The following PDE7B variants were observed in gnomAD, a reference collection of about 807,000 sequenced individuals.
PDE7B encodes the protein 3',5'-cyclic-AMP phosphodiesterase 7B.
A neutral mutation model predicts 56.2 loss-of-function variants in PDE7B; 29 were observed. That is an observed-to-expected ratio of 0.52 (90% CI 0.38 to 0.70). PDE7B has a LOEUF of 0.70. Among genes scored for constraint, PDE7B ranks in the 30% least tolerant of loss-of-function variants. The pLI is 0.00. For missense variants in PDE7B, 490 were observed against 565.0 expected (o/e 0.87, Z 1.35); for synonymous variants, 197 against 196.9 (o/e 1.00, Z 0.00).
chr6:135,910,326 G>T (rs555372424), intron 1 of PDE7B, among the ~76,000 whole-genome samples: 1 of 152,316 alleles, frequency 6.6e-6, no homozygotes, highest in South Asian at 2.1e-4. Context: ...CTAGAAGCCA[G>T]TATCACAGTC....
At position 135,989,405 on chromosome 6, in the gene PDE7B, G is replaced by A. The variant is rs545268554; in HGVS notation, c.82+41881G>A. 1.4e-3 allele frequency among the ~76,000 whole-genome samples: 217 copies of A among 152,296 alleles called. 1 individual carries two copies. Among genetic ancestry groups the A allele is most frequent in the African/African-American group, 5.1e-3 (210 of 41,574 alleles). On this transcript the variant is annotated intron_variant, in intron 2 of 12. Coordinates refer to ENST00000308191, the MANE Select transcript of PDE7B (RefSeq NM_018945.4). The stretch of plus-strand genomic sequence containing the variant: ...AAGGCAGGTGGATCACCTGAGGTCG[G>A]TAGTTCGAGACCAGCCAGACCAACA...
intron 6 of PDE7B, among the ~76,000 whole-genome samples, chr6:136,152,107 A>G (rs906815631): frequency 1.3e-5 from 2 of 152,192 alleles, no homozygotes; most frequent in African/African-American, 4.8e-5. Flanking sequence ...CAGGGTGGCC[A>G]AGGCAGAAAG....
intron 2 of PDE7B, among the ~76,000 whole-genome samples, chr6:136,055,512 AT>A (rs748391888): frequency 2.5e-4 from 38 of 152,222 alleles, no homozygotes; most frequent in Admixed American, 4.6e-4. Flanking sequence ...ATCTGAATAC[AT>A]TTTTCATTTT....
intron 2 of PDE7B, among the ~76,000 whole-genome samples, chr6:135,979,263 G>T (rs1196309604): frequency 1.3e-5 from 2 of 151,682 alleles, no homozygotes; most frequent in African/African-American, 4.9e-5. Flanking sequence ...TTGATGTGCT[G>T]CTGGATTCGG....
intron 1 of PDE7B, among the ~76,000 whole-genome samples, chr6:135,902,379 C>G (rs969733723): frequency 2.7e-5 from 4 of 150,440 alleles, no homozygotes; most frequent in East Asian, 3.9e-4. Context: ...AATGATTGCT[C>G]TCAACTCAAA....
intron 1 of PDE7B, among the ~76,000 whole-genome samples, chr6:135,904,247 T>G (rs1430019326): frequency 6.6e-6 from 1 of 152,224 alleles, no homozygotes; most frequent in African/African-American, 2.4e-5. Flanking sequence ...TCAGAATAAG[T>G]AAATATCTCC....
At chr6:135,973,145 A>G (rs1415168695) in intron 2 of PDE7B, among the ~76,000 whole-genome samples, 1 of 152,122 alleles carries the variant, frequency 6.6e-6, no homozygotes, top group Non-Finnish European at 1.5e-5. Flanking sequence ...CCTTCCCCGT[A>G]CACCATGGAA....
At chr6:136,079,451 A>G in intron 2 of PDE7B, among the ~76,000 whole-genome samples, 1 of 152,190 alleles carries the variant, frequency 6.6e-6, no homozygotes, top group East Asian at 1.9e-4. Flanking sequence ...TGCACTAATA[A>G]CATTTCAATG....
intron 1 of PDE7B, among the ~76,000 whole-genome samples, chr6:135,935,460 C>T (rs1052233218): frequency 4.6e-5 from 7 of 151,582 alleles, no homozygotes; most frequent in Non-Finnish European, 1.0e-4. Flanking sequence ...TTTCATCTCA[C>T]GGATTTTAAT....
At position 135,907,621 on chromosome 6, in the gene PDE7B, A is replaced by G. The variant is rs545902147; in HGVS notation, c.22-39843A>G. Among the ~76,000 whole-genome samples, 9 of 152,274 alleles carry G rather than the reference A, an allele frequency of 5.9e-5. No homozygotes were observed. The South Asian group carries it at 1.9e-3, about 32-fold the overall frequency. On this transcript the variant is annotated intron_variant, in intron 1 of 12. Coordinates refer to ENST00000308191, the MANE Select transcript of PDE7B (RefSeq NM_018945.4). ...TGTGCTGGTTAAAAATTGAATGTAC[A>G]ACATTAACTGTTTCTATATGCCTAG...
intron 1 of PDE7B, among the ~76,000 whole-genome samples, chr6:135,895,920 C>T (rs946912614): frequency 3.9e-5 from 6 of 152,186 alleles, no homozygotes; most frequent in African/African-American, 1.2e-4. Flanking sequence ...TCACCCTAGG[C>T]TCTCCTGAAA....
At position 135,947,532 on chromosome 6, in the gene PDE7B, G is replaced by T. The variant is rs918304888; in HGVS notation, c.82+8G>T. ...AATGTGTTTGCATGCTGGGTAAGAAGGCTTCTCATTTTAAATATATTAAGC... is the reference window on the plus strand; with the variant it reads ...AATGTGTTTGCATGCTGGGTAAGAATGCTTCTCATTTTAAATATATTAAGC... On this transcript the variant is annotated splice_region_variant and intron_variant, in intron 2 of 12. Transcript: ENST00000308191. The T allele has an allele frequency of 6.2e-7, 1 of 1,602,444 alleles. No individual in the cohort carries two copies. The highest frequency in any genetic ancestry group is 1.3e-5 in the African/African-American group (1 of 74,762).
At chr6:135,941,781 T>C (rs376086528) in intron 1 of PDE7B, among the ~76,000 whole-genome samples, 55 of 152,314 alleles carry the variant, frequency 3.6e-4, no homozygotes, top group African/African-American at 1.3e-3. Flanking sequence ...CAGCTGACAC[T>C]CAGGCAAACC....
intron 1 of PDE7B, among the ~76,000 whole-genome samples, chr6:135,931,974 CACACACACAT>C: frequency 6.8e-6 from 1 of 147,950 alleles, no homozygotes; most frequent in East Asian, 2.0e-4. Context: ...CACACACACA[CACACACACAT>C]AGGTATATAC....
In PDE7B at chr6:136,174,193, C is replaced by T. The variant is rs536184121; in HGVS notation, c.803+305C>T. 4.6e-5 allele frequency among the ~76,000 whole-genome samples: 7 copies of T among 152,242 alleles called. No individual in the cohort carries two copies. In the East Asian group the frequency reaches 1.4e-3, roughly 29 times the overall value. ...GTGCTCGACTTTGCCAAATTCCCGA[C>T]CTTTAGTTTAGCAAAATTGTCCTTC... is the stretch of plus-strand genomic sequence containing the variant. On this transcript the variant is annotated intron_variant, in intron 9 of 12. Transcript: ENST00000308191.
intron 2 of PDE7B, among the ~76,000 whole-genome samples, chr6:136,057,927 G>T (rs1776766412): frequency 6.6e-6 from 1 of 152,066 alleles, no homozygotes; most frequent in South Asian, 2.1e-4. Context: ...AGTAGAGACG[G>T]GGTTTCACCA....
chr6:135,914,489 T>TAAGACTCATTCCTGGCCTGGCGTGGTGGC (rs1562437174), intron 1 of PDE7B, among the ~76,000 whole-genome samples: 4 of 29,800 alleles, frequency 1.3e-4, no homozygotes, highest in African/African-American at 2.5e-4. Flanking sequence ...ATAATGCTTT[T>TAAGACTCATTCCTGGCCTGGCGTGGTGGC]TTTTTTTTTT....
In PDE7B at chr6:136,191,608, T is replaced by G. The variant is rs762614359; in HGVS notation, c.1127-6T>G. On this transcript the variant is annotated splice_region_variant and splice_polypyrimidine_tract_variant and intron_variant, in intron 12 of 12. Transcript: ENST00000308191. ...GTGATGCTGAGCCTTGACTTGCCTG[T>G]TCTAGGTTTCATGAGCTACATCGTG... is the stretch of plus-strand genomic sequence containing the variant. 1 of 1,612,176 alleles carries G rather than the reference T, an allele frequency of 6.2e-7. No homozygotes were observed.
intron 2 of PDE7B, among the ~76,000 whole-genome samples, chr6:136,009,620 G>A (rs141516576): frequency 6.0e-4 from 91 of 152,278 alleles, no homozygotes; most frequent in African/African-American, 2.0e-3. Context: ...ATTCACTCAT[G>A]ATTTGGCTCC....
Sources: gnomAD v4.1 joint callset for allele counts (sites outside exome capture counted in the v4.1 genomes callset) on GRCh38, gnomAD v4.1.1 for gene constraint, MANE v1.5 for transcripts, NCBI Gene and HGNC (gene_info 2026-07-23, HGNC 2026-07-21) for gene names.